Variants in TBC1D5 observed in about 807,000 individuals in gnomAD.
TBC1D5 encodes TBC1 domain family, member 5.
TBC1D5 carries 75 observed loss-of-function variants against 100.3 expected under a neutral mutation model. The ratio of observed to expected loss-of-function variants is 0.75; its 90% CI spans 0.62 to 0.91. The LOEUF is 0.91. Among genes scored for constraint, TBC1D5 ranks in the 40% least tolerant of loss-of-function variants. The pLI is 0.00. For synonymous variants in TBC1D5, 323 were observed against 325.6 expected (o/e 0.99, Z 0.09); for missense variants, 910 against 942.4 (o/e 0.97, Z 0.45).
intron 1 of TBC1D5, among the ~76,000 whole-genome samples, chr3:17,644,496 C>T (rs942995143): frequency 5.3e-5 from 8 of 152,122 alleles, no homozygotes; most frequent in Non-Finnish European, 1.0e-4. Context: ...GCAACTAGCA[C>T]AGTGCCTGGC....
At chr3:17,393,211 T>C (rs1216629834) in intron 8 of TBC1D5, among the ~76,000 whole-genome samples, 1 of 152,126 alleles carries the variant, frequency 6.6e-6, no homozygotes, top group Non-Finnish European at 1.5e-5. Flanking sequence ...GGGGTTGTTT[T>C]TTTCTTGTAA....
chr3:17,478,245 T>C (rs1416191397), intron 3 of TBC1D5, among the ~76,000 whole-genome samples: 3 of 152,226 alleles, frequency 2.0e-5, no homozygotes, highest in African/African-American at 7.2e-5. Flanking sequence ...CCATCTTTTT[T>C]TGGCTGATTA....
intron 17 of TBC1D5, among the ~76,000 whole-genome samples, chr3:17,233,224 C>T (rs2075565452): frequency 6.6e-6 from 1 of 152,098 alleles, no homozygotes. Flanking sequence ...AATTCAAAGG[C>T]AATACTTAAA....
At chr3:17,356,302 C>G (rs2091207841) in intron 13 of TBC1D5, among the ~76,000 whole-genome samples, 1 of 152,188 alleles carries the variant, frequency 6.6e-6, no homozygotes, top group Admixed American at 6.5e-5. Context: ...CCTAAACCAT[C>G]TATTTTGCAA....
At chr3:17,698,140 C>G (rs1456742978) in intron 1 of TBC1D5, among the ~76,000 whole-genome samples, 1 of 151,938 alleles carries the variant, frequency 6.6e-6, no homozygotes. Flanking sequence ...TGACTTCAAA[C>G]TATACTACAA....
rs538849739 is a variant in TBC1D5 at position 17,363,268 on chromosome 3, G to A, written c.995+8807C>T. Reference sequence around the variant, plus strand: ...ATACATGGACTTTTATTCTACTGATGCACTTAGTATGTTTATATGCTTAAA... The same window carrying A: ...ATACATGGACTTTTATTCTACTGATACACTTAGTATGTTTATATGCTTAAA... On this transcript the variant is annotated intron_variant, in intron 13 of 21. Coordinates refer to ENST00000253692, the Ensembl canonical transcript of TBC1D5. Among the ~76,000 whole-genome samples, 139 of 152,072 alleles carry A rather than the reference G, an allele frequency of 9.1e-4. No individual in the cohort carries two copies. The Middle Eastern group carries it at 0.024, about 26-fold the overall frequency.
At chr3:17,610,469 G>A (rs978153614) in intron 2 of TBC1D5, among the ~76,000 whole-genome samples, 1 of 152,204 alleles carries the variant, frequency 6.6e-6, no homozygotes, top group African/African-American at 2.4e-5. Context: ...TTACGGGCAT[G>A]AGCCACTGCG....
intron 1 of TBC1D5, among the ~76,000 whole-genome samples, chr3:17,700,661 T>C (rs545345959): frequency 6.6e-6 from 1 of 152,024 alleles, no homozygotes; most frequent in African/African-American, 2.4e-5. Flanking sequence ...CATCAAAAAG[T>C]GGGCGAAGGA....
chr3:17,291,508 T>C (rs1227525107), intron 15 of TBC1D5, among the ~76,000 whole-genome samples: 1 of 152,242 alleles, frequency 6.6e-6, no homozygotes, highest in Non-Finnish European at 1.5e-5. Context: ...ATAAAGCTAC[T>C]TTCTTGATCT....
intron 3 of TBC1D5, among the ~76,000 whole-genome samples, chr3:17,429,658 T>C (rs776675385): frequency 6.6e-6 from 1 of 151,912 alleles, no homozygotes; most frequent in African/African-American, 2.4e-5. Context: ...TTTTTAATTA[T>C]TGAGTATAGT....
intron 3 of TBC1D5, among the ~76,000 whole-genome samples, chr3:17,490,663 AT>A: frequency 6.6e-6 from 1 of 151,876 alleles, no homozygotes; most frequent in African/African-American, 2.4e-5. Flanking sequence ...ATTCTGTTCC[AT>A]TGGTCTATGT....
chr3:17,201,187 A>G (rs2071416296), intron 18 of TBC1D5, among the ~76,000 whole-genome samples: 1 of 152,128 alleles, frequency 6.6e-6, no homozygotes, highest in African/African-American at 2.4e-5. Context: ...AACTTAAAGC[A>G]TGCCTTTAAT....
chr3:17,672,861 A>G (rs2068106433), intron 1 of TBC1D5, among the ~76,000 whole-genome samples: 2 of 152,242 alleles, frequency 1.3e-5, no homozygotes, highest in African/African-American at 4.8e-5. Context: ...CGAGCCCTAC[A>G]GAGCTCCATG....
intron 2 of TBC1D5, among the ~76,000 whole-genome samples, chr3:17,531,726 C>A (rs183973992): frequency 0.069 from 10,465 of 152,120 alleles, 703 homozygotes; most frequent in African/African-American, 0.18. Flanking sequence ...GAAAAACAAG[C>A]AATGGGGAAA....
intron 3 of TBC1D5, among the ~76,000 whole-genome samples, chr3:17,498,141 A>C (rs2095738514): frequency 6.6e-6 from 1 of 152,154 alleles, no homozygotes; most frequent in Non-Finnish European, 1.5e-5. Flanking sequence ...CTTTCCTAAA[A>C]TGTAAAACCA....
intron 17 of TBC1D5, among the ~76,000 whole-genome samples, chr3:17,229,236 A>C (rs1315419007): frequency 6.6e-6 from 1 of 152,136 alleles, no homozygotes; most frequent in Non-Finnish European, 1.5e-5. Flanking sequence ...TTATATAGTG[A>C]CCAAGACAAT....
intron 8 of TBC1D5, among the ~76,000 whole-genome samples, chr3:17,397,562 G>T (rs967953792): frequency 1.3e-5 from 2 of 152,004 alleles, no homozygotes; most frequent in Non-Finnish European, 2.9e-5. Flanking sequence ...TGTTTTCTGT[G>T]GAGACGGTTT....
chr3:17,205,764 G>C (rs1365210997), intron 18 of TBC1D5, among the ~76,000 whole-genome samples: 1 of 152,098 alleles, frequency 6.6e-6, no homozygotes, highest in Non-Finnish European at 1.5e-5. Context: ...TCTCTAGAAG[G>C]GCTGTGCATG....
chr3:17,226,333 G>A (rs926953768), intron 17 of TBC1D5, among the ~76,000 whole-genome samples: 25 of 145,774 alleles, frequency 1.7e-4, no homozygotes, highest in Non-Finnish European at 3.0e-4. Flanking sequence ...TTTTGACAGA[G>A]AGGAACAGCA....
Sources: gnomAD v4.1 joint callset for allele counts (sites outside exome capture counted in the v4.1 genomes callset) on GRCh38, gnomAD v4.1.1 for gene constraint, MANE v1.5 for transcripts, NCBI Gene and HGNC (gene_info 2026-07-23, HGNC 2026-07-21) for gene names.